Variants in RNASE11 observed in about 807,000 individuals in gnomAD.
RNASE11 encodes ribonuclease A family member 11 (inactive).
For missense variants in RNASE11, 252 were observed against 237.8 expected (o/e 1.06, Z -0.39); for synonymous variants, 105 against 86.1 (o/e 1.22, Z -1.21).
upstream of RNASE11, chr14:20,590,231 TC>T (rs1884538874): frequency 6.3e-7 from 1 of 1,595,994 alleles, no homozygotes; most frequent in East Asian, 2.2e-5. Flanking sequence ...CACAGCCAGC[TC>T]CAATGCCATT....
downstream of RNASE11, chr14:20,583,247 A>T (rs1594471182): frequency 6.6e-6 from 1 of 152,410 alleles, no homozygotes; most frequent in East Asian, 1.9e-4. Context: ...GATTACAATA[A>T]GAATTTTCTT....
exon 2 of RNASE11, chr14:20,584,230 T>C (rs752773804): frequency 3.1e-6 from 5 of 1,614,248 alleles, no homozygotes; most frequent in Non-Finnish European, 4.2e-6. Context: ...GTCATTATAA[T>C]GTAAACTTCT....
chr14:20,588,200 G>C (rs192660574), upstream of RNASE11: 156 of 152,292 alleles, frequency 1.0e-3, no homozygotes, highest in African/African-American at 3.7e-3. Context: ...GAACTTGAAA[G>C]ATTATCTAAT....
intron 1 of RNASE11, among the ~76,000 whole-genome samples, chr14:20,587,156 A>G (rs966451865): frequency 6.6e-6 from 1 of 152,200 alleles, no homozygotes; most frequent in African/African-American, 2.4e-5. Context: ...CTGATCCTAT[A>G]TATCTGTATA....
At chr14:20,587,820 T>G, upstream of RNASE11, 1 of 985,484 alleles carries the variant, frequency 1.0e-6, no homozygotes, top group African/African-American at 1.7e-5. Flanking sequence ...TGGAACTTGA[T>G]GGTTACAAAA....
At chr14:20,587,691 C>T (rs530494976) in exon 1 of RNASE11, 261 of 985,232 alleles carry the variant, frequency 2.6e-4, no homozygotes, top group African/African-American at 3.8e-4. Context: ...AGCTGAAAAA[C>T]GGCCACCTAA....
intron 1 of RNASE11, among the ~76,000 whole-genome samples, chr14:20,586,904 C>T (rs1033608577): frequency 2.0e-5 from 3 of 152,184 alleles, no homozygotes; most frequent in Non-Finnish European, 4.4e-5. Flanking sequence ...GGTCTCATTG[C>T]TTTGGGAGGC....
At chr14:20,583,341 C>T (rs1884346311), downstream of RNASE11, 1 of 154,640 alleles carries the variant, frequency 6.5e-6, no homozygotes, top group South Asian at 2.0e-4. Flanking sequence ...CTGAGAGCAT[C>T]AGCTCAGCCA....
chr14:20,585,355 A>G (rs1209103958), intron 1 of RNASE11, among the ~76,000 whole-genome samples: 1 of 152,202 alleles, frequency 6.6e-6, no homozygotes, highest in Non-Finnish European at 1.5e-5. Flanking sequence ...ACCCTACAGC[A>G]CAGATTAAGT....
At chr14:20,584,548 T>C in intron 1 of RNASE11, 52 bp from the exon 3 acceptor site, 1 of 1,422,824 alleles carries the variant, frequency 7.0e-7, no homozygotes, top group Non-Finnish European at 9.3e-7. Context: ...AAAGAGGTAG[T>C]TCTTTCTTCC....
At chr14:20,587,784 C>A (rs1884467198), upstream of RNASE11, 1 of 985,364 alleles carries the variant, frequency 1.0e-6, no homozygotes, top group Non-Finnish European at 1.2e-6. Flanking sequence ...TCCCCCAACG[C>A]CCCCTCCTAA....
Position 20,584,499 on chromosome 14 carries a change from G to T in RNASE11, c.-22-3C>A. On this transcript the variant is annotated splice_region_variant and splice_polypyrimidine_tract_variant and intron_variant, in intron 1 of 1. Coordinates refer to ENST00000553849, the Ensembl canonical transcript of RNASE11. ...TCTCAGATGTAGTGTAATCTCTTCT[G>T]CAGTAAAGACAATAAATGAAAGATA... 1 of 1,538,346 alleles carries T rather than the reference G, an allele frequency of 6.5e-7. No individual in the cohort carries two copies. The highest frequency in any genetic ancestry group is 1.3e-5 in the South Asian group (1 of 76,912).
At chr14:20,585,208 G>T in intron 1 of RNASE11, 1 of 364,886 alleles carries the variant, frequency 2.7e-6, no homozygotes, top group Non-Finnish European at 3.8e-6. Flanking sequence ...AACCAAGGAA[G>T]CTCAGGGAGA....
chr14:20,583,222 C>T (rs1884343306), downstream of RNASE11: 1 of 152,272 alleles, frequency 6.6e-6, no homozygotes, highest in South Asian at 2.1e-4. Context: ...GGTATCAAGA[C>T]TTGGCTTGAA....
intron 1 of RNASE11, among the ~76,000 whole-genome samples, chr14:20,585,794 C>G (rs148298929): frequency 1.4e-4 from 21 of 152,276 alleles, no homozygotes; most frequent in African/African-American, 5.1e-4. Context: ...TATTTGTTAA[C>G]AACATAACAT....
intron 1 of RNASE11, among the ~76,000 whole-genome samples, chr14:20,587,231 C>T (rs553471245): frequency 3.0e-4 from 46 of 152,164 alleles, no homozygotes; most frequent in African/African-American, 1.1e-3. Flanking sequence ...ACCCAAACTA[C>T]GAATGTCTAA....
chr14:20,590,242 TGA>T, upstream of RNASE11: 1 of 1,602,814 alleles, frequency 6.2e-7, no homozygotes, highest in Non-Finnish European at 8.5e-7. Flanking sequence ...CCAATGCCAT[TGA>T]GAGAAGAGAT....
chr14:20,587,658 C>A, exon 1 of RNASE11: 1 of 985,366 alleles, frequency 1.0e-6, no homozygotes, highest in Non-Finnish European at 1.2e-6. Context: ...AGAATTACCA[C>A]AGAGAACTAG....
At chr14:20,586,449 TTA>T (rs1270117806) in intron 1 of RNASE11, among the ~76,000 whole-genome samples, 1 of 152,002 alleles carries the variant, frequency 6.6e-6, no homozygotes, top group Non-Finnish European at 1.5e-5. Context: ...TTTTAAAAAA[TTA>T]TATTTGAATT....
Sources: allele counts gnomAD v4.1 joint callset (sites outside exome capture counted in the v4.1 genomes callset), GRCh38; gene constraint gnomAD v4.1.1; transcripts MANE v1.5; gene names NCBI Gene and HGNC (gene_info 2026-07-23, HGNC 2026-07-21).